EIF3H: variants seen among roughly 807,000 people sequenced by gnomAD.
EIF3H encodes eukaryotic translation initiation factor 3 subunit H.
In EIF3H, 26 loss-of-function variants were observed where a neutral mutation model predicts 44.2. That is an observed-to-expected ratio of 0.59 (90% CI 0.43 to 0.82). The LOEUF is 0.82. EIF3H is among the 40% of genes least tolerant of loss of function. The pLI, the probability that EIF3H is intolerant of heterozygous loss-of-function variation, is 0.00. For synonymous variants in EIF3H, 166 were observed against 151.9 expected (o/e 1.09, Z -0.68); for missense variants, 359 against 432.8 (o/e 0.83, Z 1.51).
chr8:116,662,761 C>CA (rs1813603745), intron 2 of EIF3H, among the ~76,000 whole-genome samples: 1 of 152,220 alleles, frequency 6.6e-6, no homozygotes, highest in Non-Finnish European at 1.5e-5. Context: ...TGGCAGGCAC[C>CA]ATCAAGGGAG....
chr8:116,749,529 G>C (rs1020789936), intron 1 of EIF3H, among the ~76,000 whole-genome samples: 3 of 152,160 alleles, frequency 2.0e-5, no homozygotes, highest in Admixed American at 2.0e-4. Flanking sequence ...AATGTTCTAG[G>C]GAACAAAGTG....
At chr8:116,665,996 G>A (rs913491493) in intron 2 of EIF3H, among the ~76,000 whole-genome samples, 3 of 152,006 alleles carry the variant, frequency 2.0e-5, no homozygotes, top group South Asian at 4.1e-4. Flanking sequence ...TATTCCTCTC[G>A]TTTCAATTAA....
rs1227318886 is a variant in EIF3H at position 116,655,995 on chromosome 8, CT to C, written c.567del (p.Ala190GlnfsTer15). 2 of 1,612,820 alleles carry C rather than the reference CT, an allele frequency of 1.2e-6. No homozygotes were observed. The highest frequency in any genetic ancestry group is 1.7e-6 in the Non-Finnish European group (2 of 1,179,478). On this transcript the variant is annotated frameshift_variant, in exon 5 of 8. Transcript: ENST00000521861. LOFTEE classifies it high-confidence loss of function. The stretch of plus-strand genomic sequence containing the variant: ...AACATGTACTCAAAGGTGATATTTG[CT>C]TTTTTCAATCTGTGAAGCATGTTAA... ...EKDFSPEALK[K>X]ANITFEYMFE...
intron 1 of EIF3H, among the ~76,000 whole-genome samples, chr8:116,740,939 TAAA>T (rs1467328326): frequency 6.6e-6 from 1 of 152,140 alleles, no homozygotes; most frequent in South Asian, 2.1e-4. Flanking sequence ...TTGCAAAGAT[TAAA>T]AAATAATCCC....
At chr8:116,678,925 C>T (rs1813907605) in intron 2 of EIF3H, among the ~76,000 whole-genome samples, 1 of 108,122 alleles carries the variant, frequency 9.2e-6, no homozygotes, top group Admixed American at 8.2e-5. Context: ...CTCCTCTGCC[C>T]GGCCGCCCCT....
At chr8:116,702,824 C>T (rs1323437129) in intron 2 of EIF3H, among the ~76,000 whole-genome samples, 5 of 152,154 alleles carry the variant, frequency 3.3e-5, no homozygotes, top group African/African-American at 1.2e-4. Context: ...TGGTACCCAA[C>T]CTTCATGGCA....
rs746541931 is a variant in EIF3H, at chr8:116,726,132, TG to T, written c.172del (p.Gln58LysfsTer15). 6.2e-7 allele frequency: 1 copy of T among 1,613,914 alleles called. No homozygotes were observed. Among genetic ancestry groups the T allele is most frequent in the African/African-American group, 1.3e-5 (1 of 74,926 alleles). ...CACTCCTTGAACAACTTCAGTTCCT[TG>T]TCCTTCTTCTTGATAATGTTTGATT... ...KIIKHYQEEG[Q>X]GTEVVQGVLL... On this transcript the variant is annotated frameshift_variant, in exon 2 of 8. Transcript: ENST00000521861. LOFTEE classifies it high-confidence loss of function.
intron 1 of EIF3H, among the ~76,000 whole-genome samples, chr8:116,737,929 G>A (rs1364283447): frequency 6.6e-6 from 1 of 151,548 alleles, no homozygotes; most frequent in Non-Finnish European, 1.5e-5. Flanking sequence ...CAGCTACTCT[G>A]GAGGCTGAGG....
intron 2 of EIF3H, among the ~76,000 whole-genome samples, chr8:116,711,813 A>G (rs1283256635): frequency 6.6e-6 from 1 of 152,234 alleles, no homozygotes; most frequent in Non-Finnish European, 1.5e-5. Flanking sequence ...ATTCACTAAC[A>G]TAATGCACTA....
chr8:116,652,593 C>T (rs1813412854), intron 5 of EIF3H, among the ~76,000 whole-genome samples: 1 of 151,908 alleles, frequency 6.6e-6, no homozygotes, highest in African/African-American at 2.4e-5. Context: ...TCAGATGGTT[C>T]AGAAAGAAAA....
At chr8:116,729,231 A>C (rs1465770718) in intron 1 of EIF3H, among the ~76,000 whole-genome samples, 1 of 152,216 alleles carries the variant, frequency 6.6e-6, no homozygotes, top group Non-Finnish European at 1.5e-5. Flanking sequence ...TCTAGAAGTG[A>C]TTCCTAAACA....
intron 2 of EIF3H, among the ~76,000 whole-genome samples, chr8:116,689,376 T>TGTA (rs1814133964): frequency 6.6e-6 from 1 of 152,172 alleles, no homozygotes; most frequent in Non-Finnish European, 1.5e-5. Flanking sequence ...GCTACAGAAT[T>TGTA]GTACACTTTA....
At chr8:116,743,793 TATATAA>T (rs1452619276) in intron 1 of EIF3H, among the ~76,000 whole-genome samples, 13 of 66,306 alleles carry the variant, frequency 2.0e-4, no homozygotes, top group African/African-American at 6.8e-4. Flanking sequence ...TATATATATA[TATATAA>T]ACACACACAC....
intron 1 of EIF3H, among the ~76,000 whole-genome samples, chr8:116,743,798 A>ATATATATAT (rs1491232249): frequency 0.01 from 803 of 79,408 alleles, 7 homozygotes; most frequent in Non-Finnish European, 0.015. Context: ...ATATATATAT[A>ATATATATAT]AACACACACA....
chr8:116,646,384 A>AT (rs1813299139), intron 7 of EIF3H, 87 bp downstream of exon 7: 10 of 1,586,420 alleles, frequency 6.3e-6, no homozygotes, highest in Non-Finnish European at 8.6e-6. Context: ...CTTTTACGGC[A>AT]TGCTTTTCTG....
intron 3 of EIF3H, chr8:116,658,399 C>G (rs1365142995): frequency 6.5e-6 from 1 of 154,370 alleles, no homozygotes. Flanking sequence ...AATCTTTGTG[C>G]TAAGAAACAG....
chr8:116,650,052 C>T (rs1586430890), intron 5 of EIF3H, among the ~76,000 whole-genome samples: 1 of 152,186 alleles, frequency 6.6e-6, no homozygotes, highest in Admixed American at 6.5e-5. Flanking sequence ...CTCACTAGCA[C>T]CATACAACTC....
At chr8:116,749,126 A>T (rs911436473) in intron 1 of EIF3H, among the ~76,000 whole-genome samples, 6 of 152,226 alleles carry the variant, frequency 3.9e-5, no homozygotes, top group Non-Finnish European at 7.3e-5. Context: ...AACAAAATTT[A>T]AAAGGTAAGA....
intron 2 of EIF3H, among the ~76,000 whole-genome samples, chr8:116,712,611 G>A (rs767692140): frequency 1.3e-5 from 2 of 152,168 alleles, no homozygotes; most frequent in Admixed American, 6.5e-5. Flanking sequence ...TGGTGGAGAA[G>A]TGTTAACGGT....
Sources: gnomAD v4.1 joint callset for allele counts (sites outside exome capture counted in the v4.1 genomes callset) on GRCh38, gnomAD v4.1.1 for gene constraint, MANE v1.5 for transcripts, NCBI Gene and HGNC (gene_info 2026-07-23, HGNC 2026-07-21) for gene names.